RIMS2: variants seen among roughly 807,000 people sequenced by gnomAD.
RIMS2 encodes the protein regulating synaptic membrane exocytosis 2, also known as regulating synaptic membrane exocytosis protein 2.
Under a neutral mutation model 174.4 loss-of-function variants are expected in RIMS2, and 59 were observed. The observed-to-expected ratio is 0.34, with a 90% CI of 0.27 to 0.42. The LOEUF (loss-of-function observed/expected upper bound fraction) is 0.42, where lower values mean the gene tolerates loss of function less well. Among genes scored for constraint, RIMS2 ranks in the 10% least tolerant of loss-of-function variants. The probability of loss-of-function intolerance (pLI) is 1.00; values close to 1 mark genes in which losing one functional copy is unlikely to be tolerated. For synonymous variants in RIMS2, 606 were observed against 572.5 expected (o/e 1.06, Z -0.84); for missense variants, 1,620 against 1,666.3 (o/e 0.97, Z 0.48).
intron 3 of RIMS2, among the ~76,000 whole-genome samples, chr8:103,789,756 T>A (rs922507079): frequency 6.9e-6 from 1 of 145,902 alleles, no homozygotes; most frequent in African/African-American, 2.6e-5. Context: ...ACTCTTTTTT[T>A]TTTTTTTTTT....
At chr8:103,649,558 C>T (rs2096409995) in intron 1 of RIMS2, among the ~76,000 whole-genome samples, 1 of 151,856 alleles carries the variant, frequency 6.6e-6, no homozygotes, top group African/African-American at 2.4e-5. Flanking sequence ...TCCATTCTCC[C>T]CATCTCTTTC....
At chr8:103,902,032 G>A (rs1416110541) in intron 4 of RIMS2, among the ~76,000 whole-genome samples, 2 of 152,152 alleles carry the variant, frequency 1.3e-5, no homozygotes, top group Non-Finnish European at 2.9e-5. Context: ...GTTTCCTACA[G>A]TTACAATCAA....
At chr8:103,586,636 A>G (rs971488895) in intron 1 of RIMS2, among the ~76,000 whole-genome samples, 2 of 152,112 alleles carry the variant, frequency 1.3e-5, no homozygotes, top group Non-Finnish European at 2.9e-5. Flanking sequence ...TAGATCAAAA[A>G]ATAGGAAGAA....
chr8:104,242,854 G>T (rs2099309455), intron 19 of RIMS2, among the ~76,000 whole-genome samples: 1 of 152,128 alleles, frequency 6.6e-6, no homozygotes, highest in Non-Finnish European at 1.5e-5. Flanking sequence ...TGATTAAAAT[G>T]GTGGCAGCCT....
Position 103,916,563 on chromosome 8 carries a change from G to A in RIMS2, c.2036+26G>A, listed in dbSNP as rs1371305741. 1.9e-6 allele frequency: 3 copies of A among 1,573,756 alleles called. No homozygotes were observed. The East Asian group carries it at 6.8e-5, about 35-fold the overall frequency. ...GTAAGTTGGTTTCAGTATTTTATAT[G>A]TGTGTGAAGTTGAATAGTGTTAAAC... On this transcript the variant is annotated intron_variant, in intron 8 of 23. Coordinates refer to ENST00000504942, the Ensembl canonical transcript of RIMS2.
rs140293162 is a variant in RIMS2 at position 103,920,384 on chromosome 8, A to G, written c.2084-1288A>G. Among the ~76,000 whole-genome samples the G allele has an allele frequency of 3.3e-3, 501 of 152,244 alleles. 1 individual carries two copies. Among genetic ancestry groups the G allele is most frequent in the African/African-American group, 0.011 (475 of 41,528 alleles). Reference sequence around the variant, plus strand: ...CCTAAAGCTTAACAACCTTTATTGTAAAAAACAACAACGACAACAACAACA... The same window carrying G: ...CCTAAAGCTTAACAACCTTTATTGTGAAAAACAACAACGACAACAACAACA... On this transcript the variant is annotated intron_variant, in intron 9 of 23. Transcript: ENST00000504942.
intron 4 of RIMS2, among the ~76,000 whole-genome samples, chr8:103,901,529 A>G (rs2154524500): frequency 6.6e-6 from 1 of 152,262 alleles, no homozygotes; most frequent in East Asian, 1.9e-4. Context: ...TTCCAAAGAA[A>G]TCTATATACA....
chr8:104,225,286 G>A (rs567855399), intron 19 of RIMS2, among the ~76,000 whole-genome samples: 1 of 152,188 alleles, frequency 6.6e-6, no homozygotes, highest in Non-Finnish European at 1.5e-5. Flanking sequence ...GTAGGTAATA[G>A]AGCCAGCGTT....
At chr8:104,027,156 A>AG (rs1299720009) in intron 19 of RIMS2, among the ~76,000 whole-genome samples, 3 of 152,196 alleles carry the variant, frequency 2.0e-5, no homozygotes, top group Non-Finnish European at 4.4e-5. Context: ...AGGACCATTT[A>AG]GGGCAATTCA....
intron 1 of RIMS2, among the ~76,000 whole-genome samples, chr8:103,622,562 A>G (rs757320200): frequency 6.6e-6 from 1 of 152,218 alleles, no homozygotes; most frequent in Non-Finnish European, 1.5e-5. Context: ...ACCACCCAAT[A>G]TACCCTATGA....
intron 3 of RIMS2, among the ~76,000 whole-genome samples, chr8:103,777,629 T>C (rs1030996323): frequency 3.3e-5 from 5 of 151,968 alleles, no homozygotes; most frequent in Non-Finnish European, 5.9e-5. Flanking sequence ...AGATAGCATA[T>C]AGTTGAACAG....
At chr8:103,517,238 A>G (rs886448706) in intron 1 of RIMS2, among the ~76,000 whole-genome samples, 1 of 152,210 alleles carries the variant, frequency 6.6e-6, no homozygotes, top group African/African-American at 2.4e-5. Context: ...TTTATAACCA[A>G]AGATCACATT....
At chr8:103,666,451 A>G (rs747488064) in intron 1 of RIMS2, among the ~76,000 whole-genome samples, 1 of 152,110 alleles carries the variant, frequency 6.6e-6, no homozygotes, top group Non-Finnish European at 1.5e-5. Context: ...TGCCATGATA[A>G]ATGTATTTAC....
chr8:103,670,663 T>C (rs925527558), intron 1 of RIMS2, among the ~76,000 whole-genome samples: 3 of 152,154 alleles, frequency 2.0e-5, no homozygotes, highest in Non-Finnish European at 2.9e-5. Context: ...GCCAGTCTCT[T>C]TGCTAAAAAA....
In RIMS2 at chr8:103,910,125, C is replaced by T. The variant is rs771568571; in HGVS notation, c.1625-9C>T. ...TCCTTTACTGCACTCTTTTGTCTGA[C>T]TCTCACAGGAGACATGGATTACAAC... On this transcript the variant is annotated splice_polypyrimidine_tract_variant and intron_variant, in intron 4 of 23. Coordinates refer to ENST00000504942, the Ensembl canonical transcript of RIMS2. 3 of 1,586,810 alleles carry T rather than the reference C, an allele frequency of 1.9e-6. No individual in the cohort carries two copies. The East Asian group carries it at 6.7e-5, about 35-fold the overall frequency.
intron 16 of RIMS2, among the ~76,000 whole-genome samples, chr8:103,981,972 T>C (rs2093944513): frequency 1.3e-5 from 2 of 152,134 alleles, no homozygotes; most frequent in South Asian, 2.1e-4. Context: ...ACAGGTTTGT[T>C]TTTTTAAAGA....
At chr8:103,860,673 TA>T (rs57907696) in intron 3 of RIMS2, among the ~76,000 whole-genome samples, 7,419 of 148,874 alleles carry the variant, frequency 0.05, 271 homozygotes, top group African/African-American at 0.11. Context: ...AACTAGAGAT[TA>T]AAAAAAAAAG....
chr8:104,254,897 C>T (rs1198185764), downstream of RIMS2: 4 of 152,086 alleles, frequency 2.6e-5, no homozygotes, highest in South Asian at 2.1e-4. Flanking sequence ...GATGGGGAGA[C>T]GTGGTAACCT....
At chr8:103,848,903 A>G (rs2098982354) in intron 3 of RIMS2, among the ~76,000 whole-genome samples, 2 of 152,084 alleles carry the variant, frequency 1.3e-5, no homozygotes. Context: ...AGAGATGAAG[A>G]AGCCTTTAAA....
Sources: allele counts gnomAD v4.1 joint callset (sites outside exome capture counted in the v4.1 genomes callset), GRCh38; gene constraint gnomAD v4.1.1; transcripts MANE v1.5; gene names NCBI Gene and HGNC (gene_info 2026-07-23, HGNC 2026-07-21).